The following LRP11 variants were observed in gnomAD, a reference collection of about 807,000 sequenced individuals.
The protein encoded by LRP11 is low-density lipoprotein receptor-related protein 11.
A neutral mutation model predicts 43.1 loss-of-function variants in LRP11; 25 were observed. The ratio of observed to expected loss-of-function variants is 0.58; its 90% CI spans 0.42 to 0.81. The LOEUF is 0.81. LRP11 is among the 30% of genes least tolerant of loss of function. The pLI is 0.00. For missense variants in LRP11, 623 were observed against 665.1 expected (o/e 0.94, Z 0.70); for synonymous variants, 316 against 299.4 (o/e 1.06, Z -0.57).
chr6:149,830,874 G>A (rs1232871455), intron 5 of LRP11, among the ~76,000 whole-genome samples: 1 of 152,166 alleles, frequency 6.6e-6, no homozygotes, highest in Non-Finnish European at 1.5e-5. Flanking sequence ...ACCTGGCCCT[G>A]CCTTCTGGGT....
chr6:149,849,436 G>A (rs1044408319), intron 2 of LRP11, among the ~76,000 whole-genome samples: 4 of 152,170 alleles, frequency 2.6e-5, no homozygotes, highest in African/African-American at 9.7e-5. Flanking sequence ...TCTTGGTTCT[G>A]ACCAATCATC....
chr6:149,836,222 T>A lies in LRP11; in HGVS notation c.1115A>T (p.Asp372Val). Residue 372 changes from aspartate to valine, a missense_variant, in exon 5 of 7, where the codon GAT (aspartate) becomes GTT (valine). Asp to Val is a radical substitution (Grantham distance 152, BLOSUM62 -3). Coordinates refer to ENST00000239367, the MANE Select transcript of LRP11 (RefSeq NM_032832.6). Reference sequence around the variant, plus strand: ...TTCCACCAAGGAGTCACCCCCTGCATCTTCACTCGGCCCTGTGGTTCTTGG... The same window carrying A: ...TTCCACCAAGGAGTCACCCCCTGCAACTTCACTCGGCCCTGTGGTTCTTGG... ...ALPRTTGPSE[D>V]AGGDSLVEKS... 1.2e-6 allele frequency: 2 copies of A among 1,614,174 alleles called. No homozygotes were observed. Among genetic ancestry groups the A allele is most frequent in the East Asian group, 4.5e-5 (2 of 44,890 alleles).
intron 6 of LRP11, 31 bp from the exon 7 acceptor site, chr6:149,820,734 G>A: frequency 1.3e-6 from 1 of 778,200 alleles, no homozygotes; most frequent in Non-Finnish European, 2.4e-6. Flanking sequence ...AAGAGGGCAA[G>A]CCAGTGATTA....
At chr6:149,843,167 A>C in intron 2 of LRP11, 43 bp from the exon 3 acceptor site, 1 of 1,612,674 alleles carries the variant, frequency 6.2e-7, no homozygotes, top group Non-Finnish European at 8.5e-7. Context: ...AGCAGACTTG[A>C]GCTCCGAGCC....
intron 1 of LRP11, among the ~76,000 whole-genome samples, chr6:149,859,377 C>CATATATATATATATATATATATATAT (rs201050390): frequency 7.8e-4 from 40 of 51,564 alleles, no homozygotes; most frequent in Admixed American, 1.1e-3. Flanking sequence ...CTTGCTGACT[C>CATATATATATATATATATATATATAT]ATATATATAT....
chr6:149,837,513 C>T, intron 3 of LRP11, 50 bp from the exon 4 acceptor site: 2 of 1,591,130 alleles, frequency 1.3e-6, no homozygotes, highest in Non-Finnish European at 1.7e-6. Flanking sequence ...TTCAGACTCT[C>T]AAGATGGGGA....
chr6:149,864,225 G>C lies in LRP11; in HGVS notation c.-205C>G. On this transcript the variant is annotated 5_prime_UTR_variant, in exon 1 of 7. Transcript: ENST00000239367. ...AACCGCAGTAGCGGGAGACATAGCC[G>C]GCCCAGCCGGGCACCGCTCCTTGCC... 1.8e-6 allele frequency: 2 copies of C among 1,101,828 alleles called. No individual in the cohort carries two copies. Among genetic ancestry groups the C allele is most frequent in the Non-Finnish European group, 2.2e-6 (2 of 906,400 alleles). The allele number at this position is 1,101,828 out of a possible 1,614,324, so 68.3% of individuals were successfully genotyped here. A position where few individuals can be genotyped will look rare whatever the true frequency, so the allele number is the denominator to read the frequency against.
rs57292379 is a variant in LRP11 at position 149,847,824 on chromosome 6, TACACACACACACACACACAC to T, written c.772-4720_772-4701del. 2.6e-3 allele frequency among the ~76,000 whole-genome samples: 347 copies of T among 131,126 alleles called. 5 individuals carry two copies. The South Asian group carries it at 0.037, about 14-fold the overall frequency. The allele number at this position is 131,126 out of a possible 152,430, so 86.0% of individuals were successfully genotyped here. On this transcript the variant is annotated intron_variant, in intron 2 of 6. Coordinates refer to ENST00000239367, the MANE Select transcript of LRP11 (RefSeq NM_032832.6). ...CTTCTCATATATGTCTAAACTAAAT[TACACACACACACACACACAC>T]ACACACACACACACACACACACACA... is the stretch of plus-strand genomic sequence containing the variant.
At chr6:149,859,396 A>ATATATATATATATATTTTTTT in intron 1 of LRP11, among the ~76,000 whole-genome samples, 2 of 71,494 alleles carry the variant, frequency 2.8e-5, no homozygotes, top group Admixed American at 1.7e-4. Context: ...ATATATATAT[A>ATATATATATATATATTTTTTT]TTTTTTTTTT....
At chr6:149,847,997 A>G (rs1776664779) in intron 2 of LRP11, among the ~76,000 whole-genome samples, 1 of 152,166 alleles carries the variant, frequency 6.6e-6, no homozygotes, top group Admixed American at 6.5e-5. Flanking sequence ...TGGTTTAAAT[A>G]ATGCCCATCC....
chr6:149,832,804 TTTTA>T (rs766251074), intron 5 of LRP11, among the ~76,000 whole-genome samples: 1 of 150,940 alleles, frequency 6.6e-6, no homozygotes, highest in South Asian at 2.1e-4. Flanking sequence ...GTATTTTTAT[TTTTA>T]TTTTTTTATT....
At chr6:149,820,726 GA>G in intron 6 of LRP11, 23 bp from the exon 7 acceptor site, 1 of 780,324 alleles carries the variant, frequency 1.3e-6, no homozygotes, top group Non-Finnish European at 2.4e-6. Context: ...TAGACATGAA[GA>G]GGGCAAGCCA....
intron 2 of LRP11, among the ~76,000 whole-genome samples, chr6:149,845,095 G>A (rs1374240898): frequency 2.6e-5 from 4 of 152,186 alleles, no homozygotes; most frequent in African/African-American, 2.4e-5. Flanking sequence ...GCCCTACCCC[G>A]TACCAGCTGG....
At chr6:149,832,174 T>C (rs962864854) in intron 5 of LRP11, among the ~76,000 whole-genome samples, 1 of 151,322 alleles carries the variant, frequency 6.6e-6, no homozygotes, top group Admixed American at 6.6e-5. Context: ...TGTTAACAAG[T>C]CTTCCATGAG....
chr6:149,843,461 A>G (rs1044457133), intron 2 of LRP11, among the ~76,000 whole-genome samples: 1 of 152,102 alleles, frequency 6.6e-6, no homozygotes, highest in Non-Finnish European at 1.5e-5. Flanking sequence ...GGAGAAAATC[A>G]GGACCATGAC....
At chr6:149,847,691 G>C (rs2115401247) in intron 2 of LRP11, among the ~76,000 whole-genome samples, 1 of 152,286 alleles carries the variant, frequency 6.6e-6, no homozygotes. Flanking sequence ...AGCAGTAACA[G>C]CCTTTGGTGG....
intron 3 of LRP11, among the ~76,000 whole-genome samples, 180 bp from the exon 4 acceptor site, chr6:149,837,643 C>T (rs1776490949): frequency 6.6e-6 from 1 of 152,102 alleles, no homozygotes; most frequent in Non-Finnish European, 1.5e-5. Context: ...CTTTTTGAGC[C>T]TCCCGACTTA....
rs1359436102 is a variant in LRP11, at chr6:149,844,606, A to T, written c.772-1482T>A. ...CTATTACCTATTTAATATTCTATTT[A>T]AAAAAATTCCTTTCTGCTTAAATGA... On this transcript the variant is annotated intron_variant, in intron 2 of 6. Coordinates refer to ENST00000239367, the MANE Select transcript of LRP11 (RefSeq NM_032832.6). Among the ~76,000 whole-genome samples, 5 of 152,202 alleles carry T rather than the reference A, an allele frequency of 3.3e-5. No homozygotes were observed. The East Asian group carries it at 5.8e-4, about 18-fold the overall frequency.
At chr6:149,845,861 C>T (rs950531399) in intron 2 of LRP11, among the ~76,000 whole-genome samples, 6 of 151,970 alleles carry the variant, frequency 3.9e-5, no homozygotes, top group Non-Finnish European at 8.8e-5. Context: ...GGTTTGAGAC[C>T]TCAAGATTGC....
Sources: allele counts gnomAD v4.1 joint callset (sites outside exome capture counted in the v4.1 genomes callset), GRCh38; gene constraint gnomAD v4.1.1; transcripts MANE v1.5; gene names NCBI Gene and HGNC (gene_info 2026-07-23, HGNC 2026-07-21).